Variants in GPC5 observed in about 807,000 individuals in gnomAD.
The protein encoded by GPC5 is glypican-5.
In GPC5, 47 loss-of-function variants were observed where a neutral mutation model predicts 53.9. That is an observed-to-expected ratio of 0.87 (90% CI 0.69 to 1.11). GPC5 has a LOEUF of 1.11. GPC5 is among the 50% of genes most tolerant of loss of function. The pLI is 0.00. For synonymous variants in GPC5, 286 were observed against 263.3 expected (o/e 1.09, Z -0.84); for missense variants, 748 against 713.1 (o/e 1.05, Z -0.56).
chr13:92,682,657 CAATTACTG>C (rs1258616198), intron 7 of GPC5, among the ~76,000 whole-genome samples: 1 of 152,110 alleles, frequency 6.6e-6, no homozygotes, highest in African/African-American at 2.4e-5. Flanking sequence ...TATTGCAATA[CAATTACTG>C]AATTAGTACA....
chr13:92,271,694 G>A (rs534959415), intron 7 of GPC5, among the ~76,000 whole-genome samples: 1 of 152,264 alleles, frequency 6.6e-6, no homozygotes, highest in South Asian at 2.1e-4. Flanking sequence ...TGAAGCTGGA[G>A]AGGAGAAAGG....
At chr13:92,073,108 G>A (rs145511031) in intron 6 of GPC5, among the ~76,000 whole-genome samples, 1 of 152,072 alleles carries the variant, frequency 6.6e-6, no homozygotes, top group East Asian at 1.9e-4. Flanking sequence ...TTTTTAAAAG[G>A]TCATGGCTCT....
intron 2 of GPC5, among the ~76,000 whole-genome samples, chr13:91,449,531 A>G (rs1302474218): frequency 2.0e-5 from 3 of 152,082 alleles, no homozygotes; most frequent in African/African-American, 7.2e-5. Context: ...CGACCCCGCA[A>G]CAGGCCCCTG....
At chr13:91,617,038 G>T (rs1290484324) in intron 2 of GPC5, among the ~76,000 whole-genome samples, 2 of 152,094 alleles carry the variant, frequency 1.3e-5, no homozygotes, top group African/African-American at 4.8e-5. Flanking sequence ...AGATCAACTG[G>T]ATGGATCTTT....
At chr13:92,043,823 A>C (rs1385772965) in intron 6 of GPC5, among the ~76,000 whole-genome samples, 1 of 152,226 alleles carries the variant, frequency 6.6e-6, no homozygotes, top group Non-Finnish European at 1.5e-5. Context: ...ATCAGGAACC[A>C]AAACTTTTGA....
At chr13:92,733,253 C>T (rs145940946) in intron 7 of GPC5, among the ~76,000 whole-genome samples, 1 of 151,796 alleles carries the variant, frequency 6.6e-6, no homozygotes, top group African/African-American at 2.4e-5. Flanking sequence ...AATTGAAACT[C>T]AATGTTGTGC....
chr13:92,558,824 C>G lies in GPC5; in HGVS notation c.1562-307458C>G, dbSNP rs140755025. The stretch of plus-strand genomic sequence containing the variant: ...ATACCTGAATAAATATTGATATCTT[C>G]TCACCACATGCAGGCAATGACATAC... On this transcript the variant is annotated intron_variant, in intron 7 of 7. Coordinates refer to ENST00000377067, the MANE Select transcript of GPC5 (RefSeq NM_004466.6). Among the ~76,000 whole-genome samples the G allele has an allele frequency of 3.1e-3, 472 of 152,042 alleles. 2 individuals are homozygous for G. The highest frequency in any genetic ancestry group is 6.8e-3 in the Middle Eastern group (2 of 294).
chr13:92,758,987 C>T (rs371254222), intron 7 of GPC5, among the ~76,000 whole-genome samples: 64 of 130,032 alleles, frequency 4.9e-4, no homozygotes, highest in Non-Finnish European at 8.9e-4. Flanking sequence ...ATCCTTTTCC[C>T]ATTGCGGTTT....
At chr13:91,640,126 T>C (rs2034387937) in intron 2 of GPC5, among the ~76,000 whole-genome samples, 1 of 152,132 alleles carries the variant, frequency 6.6e-6, no homozygotes, top group Admixed American at 6.5e-5. Context: ...TAAGTATTTA[T>C]ATAGAATTAA....
chr13:92,578,214 A>G (rs540063738), intron 7 of GPC5, among the ~76,000 whole-genome samples: 1 of 152,266 alleles, frequency 6.6e-6, no homozygotes, highest in East Asian at 1.9e-4. Flanking sequence ...ACATGGCTCA[A>G]TCGAAACCCT....
chr13:92,577,864 T>A (rs1180574951), intron 7 of GPC5, among the ~76,000 whole-genome samples: 1 of 152,020 alleles, frequency 6.6e-6, no homozygotes, highest in Non-Finnish European at 1.5e-5. Flanking sequence ...CAGAAAAAAA[T>A]TTTAAAAAAT....
intron 6 of GPC5, among the ~76,000 whole-genome samples, chr13:92,138,693 A>T (rs1285922011): frequency 6.6e-6 from 1 of 152,158 alleles, no homozygotes; most frequent in Non-Finnish European, 1.5e-5. Flanking sequence ...GGTGGAAACT[A>T]TGTCTATTTC....
intron 7 of GPC5, among the ~76,000 whole-genome samples, chr13:92,495,710 T>C (rs1879951696): frequency 6.6e-6 from 1 of 152,042 alleles, no homozygotes; most frequent in Non-Finnish European, 1.5e-5. Context: ...AGGCGGTTTT[T>C]TGTTTTTGTT....
Position 91,541,075 on chromosome 13 carries a change from G to A in GPC5, c.325+92153G>A, listed in dbSNP as rs761556562. 5.1e-4 allele frequency among the ~76,000 whole-genome samples: 78 copies of A among 152,158 alleles called. 1 individual carries two copies. The highest frequency in any genetic ancestry group is 3.4e-3 in the Middle Eastern group (1 of 294). ...AATGTTAAAATTACCTAATTTTTGT[G>A]TTTAAATGCCTACAATTAAATCAGT... On this transcript the variant is annotated intron_variant, in intron 2 of 7. Transcript: ENST00000377067.
At chr13:91,428,252 T>G (rs1325430665) in intron 1 of GPC5, among the ~76,000 whole-genome samples, 1 of 152,202 alleles carries the variant, frequency 6.6e-6, no homozygotes, top group East Asian at 1.9e-4. Context: ...GGAGAGTGAG[T>G]AAGGCAGAGT....
intron 7 of GPC5, among the ~76,000 whole-genome samples, chr13:92,704,561 C>T (rs559904868): frequency 1.3e-4 from 19 of 151,882 alleles, no homozygotes; most frequent in African/African-American, 4.1e-4. Flanking sequence ...TTAAATTATT[C>T]TTTATATATG....
intron 2 of GPC5, among the ~76,000 whole-genome samples, chr13:91,481,887 A>G (rs1173191065): frequency 6.6e-6 from 1 of 152,136 alleles, no homozygotes; most frequent in African/African-American, 2.4e-5. Flanking sequence ...TAAGCTTCAT[A>G]TATCATCCAG....
chr13:91,936,314 G>A (rs1179382551), intron 6 of GPC5, among the ~76,000 whole-genome samples: 1 of 151,982 alleles, frequency 6.6e-6, no homozygotes, highest in Non-Finnish European at 1.5e-5. Flanking sequence ...TCAGGTAGTG[G>A]GTAAGGAATG....
chr13:92,445,859 C>T (rs1877798539), intron 7 of GPC5, among the ~76,000 whole-genome samples: 1 of 152,060 alleles, frequency 6.6e-6, no homozygotes, highest in Non-Finnish European at 1.5e-5. Context: ...CTCACTGTGG[C>T]CTTGAACTCC....
Sources: gnomAD v4.1 joint callset for allele counts (sites outside exome capture counted in the v4.1 genomes callset) on GRCh38, gnomAD v4.1.1 for gene constraint, MANE v1.5 for transcripts, NCBI Gene and HGNC (gene_info 2026-07-23, HGNC 2026-07-21) for gene names.